ETV4: variants seen among roughly 807,000 people sequenced by gnomAD.
ETV4 encodes ETS translocation variant 4.
ETV4 carries 42 observed loss-of-function variants against 65.9 expected under a neutral mutation model. That is an observed-to-expected ratio of 0.64 (90% CI 0.50 to 0.82). ETV4 has a LOEUF of 0.82. Among genes scored for constraint, ETV4 ranks in the 40% least tolerant of loss-of-function variants. The pLI is 0.00. For synonymous variants in ETV4, 238 were observed against 260.0 expected (o/e 0.92, Z 0.81); for missense variants, 583 against 630.3 (o/e 0.92, Z 0.80).
chr17:43,545,453 G>C, intron 2 of ETV4, 86 bp from the exon 3 acceptor site: 1 of 1,462,460 alleles, frequency 6.8e-7, no homozygotes. Context: ...TGACTCAGGG[G>C]CGGGGCAGCC....
In ETV4 at chr17:43,545,566, A is replaced by AGGTCC; in HGVS notation, c.51_52insGGACC (p.Phe18GlyfsTer17). ...GCCGGCGCGGCGCTCACGCTGCTGA[A>AGGTCC]GGTGTAGGGCACTTGCTGGTCCAAG... is the stretch of plus-strand genomic sequence containing the variant. On this transcript the variant is annotated frameshift_variant, in exon 2 of 13. Transcript: ENST00000319349. LOFTEE classifies it high-confidence loss of function. 2 of 1,549,954 alleles carry AGGTCC rather than the reference A, an allele frequency of 1.3e-6. No individual in the cohort carries two copies. Among genetic ancestry groups the AGGTCC allele is most frequent in the Non-Finnish European group, 1.7e-6 (2 of 1,146,640 alleles).
intron 10 of ETV4, 62 bp downstream of exon 10, chr17:43,529,822 A>G: frequency 3.1e-6 from 5 of 1,599,636 alleles, no homozygotes; most frequent in Non-Finnish European, 4.3e-6. Flanking sequence ...ACGTGATGTG[A>G]CTCCTGCAGG....
intron 1 of ETV4, 59 bp downstream of exon 1, chr17:43,546,126 T>G (rs1203959190): frequency 2.6e-4 from 41 of 160,752 alleles, no homozygotes. Context: ...GTGGTGTGCA[T>G]TGGAGGCGAG....
In ETV4 at chr17:43,529,864, T is replaced by TCAA; in HGVS notation, c.955+17_955+19dup. 1 of 1,613,746 alleles carries TCAA rather than the reference T, an allele frequency of 6.2e-7. No homozygotes were observed. Among genetic ancestry groups the TCAA allele is most frequent in the Admixed American group, 1.7e-5 (1 of 60,010 alleles). ...GCGTGATAAGACCTTGACCCTCCCA[T>TCAA]CAACAGTCACTTCTCTGACCTTCAA... On this transcript the variant is annotated intron_variant, in intron 10 of 12. Coordinates refer to ENST00000319349, the MANE Select transcript of ETV4 (RefSeq NM_001079675.5).
At chr17:43,532,999 C>A (rs764426611) in intron 7 of ETV4, 60 bp from the exon 8 acceptor site, 18 of 1,522,816 alleles carry the variant, frequency 1.2e-5, no homozygotes, top group Non-Finnish European at 1.6e-5. Context: ...CTTCCTCGAG[C>A]CTGTTACTCC....
chr17:43,545,175 C>A (rs1412632745), intron 3 of ETV4, 99 bp downstream of exon 3: 1 of 1,219,354 alleles, frequency 8.2e-7, no homozygotes, highest in Middle Eastern at 2.1e-4. Context: ...GGGAAACAGG[C>A]GGGGGTTCCA....
chr17:43,530,737 TC>T (rs746570477), intron 8 of ETV4, among the ~76,000 whole-genome samples: 3 of 151,904 alleles, frequency 2.0e-5, no homozygotes, highest in Admixed American at 6.6e-5. Context: ...TTCGTTTCAT[TC>T]CATTCCATAG....
chr17:43,542,065 T>TGA (rs1971551782), intron 4 of ETV4, among the ~76,000 whole-genome samples: 2 of 152,166 alleles, frequency 1.3e-5, no homozygotes, highest in Non-Finnish European at 2.9e-5. Flanking sequence ...ATGGGGTCTT[T>TGA]TTTTGACCTA....
At chr17:43,537,857 G>A (rs1475120356) in intron 4 of ETV4, among the ~76,000 whole-genome samples, 1 of 150,882 alleles carries the variant, frequency 6.6e-6, no homozygotes, top group Non-Finnish European at 1.5e-5. Flanking sequence ...GGCCGGGCGC[G>A]GTGGCTCACG....
chr17:43,532,968 G>A (rs1366842200), intron 7 of ETV4, 29 bp from the exon 8 acceptor site: 2 of 1,534,246 alleles, frequency 1.3e-6, no homozygotes, highest in East Asian at 2.3e-5. Context: ...AGAAGGAAGA[G>A]AAGAGAACTT....
chr17:43,545,676 G>T lies in ETV4; in HGVS notation c.-51-8C>A. The stretch of plus-strand genomic sequence containing the variant: ...CCAAGCGGGGGCCGAGACCTGGTGG[G>T]GGAGGGGGCTGCGTTCGCACACCGT... On this transcript the variant is annotated splice_region_variant and splice_polypyrimidine_tract_variant and intron_variant, in intron 1 of 12. Coordinates refer to ENST00000319349, the MANE Select transcript of ETV4 (RefSeq NM_001079675.5). 1 of 1,467,872 alleles carries T rather than the reference G, an allele frequency of 6.8e-7. No homozygotes were observed. Among genetic ancestry groups the T allele is most frequent in the Non-Finnish European group, 9.3e-7 (1 of 1,076,472 alleles). The allele number at this position is 1,467,872 out of a possible 1,614,324, so 90.9% of individuals were successfully genotyped here.
At position 43,529,150 on chromosome 17, in the gene ETV4, T is replaced by C; in HGVS notation, c.1215A>G (p.Lys405=). 6.2e-7 allele frequency: 1 copy of C among 1,613,970 alleles called. No individual in the cohort carries two copies. The highest frequency in any genetic ancestry group is 1.1e-5 in the South Asian group (1 of 91,078). ...CAGCCCCCACCTTCTGCATGATGCC[T>C]TTCTCATAATAGTATCGGAGCGAGC... The part of the protein sequence containing the change: ...LSRSLRYYYE[K]GIMQKVAGER... The change falls in exon 12 of 13, where the codon AAA becomes AAG. Residue 405 remains lysine, a synonymous_variant. Coordinates refer to ENST00000319349, the MANE Select transcript of ETV4 (RefSeq NM_001079675.5).
Position 43,545,559 on chromosome 17 carries a change from C to T in ETV4, c.59G>A (p.Ser20Asn). 1.3e-6 allele frequency: 2 copies of T among 1,549,806 alleles called. No individual in the cohort carries two copies. Among genetic ancestry groups the T allele is most frequent in the Non-Finnish European group, 1.7e-6 (2 of 1,146,592 alleles). ...CGTGGAGGCCGGCGCGGCGCTCACG[C>T]TGCTGAAGGTGTAGGGCACTTGCTG... is the stretch of plus-strand genomic sequence containing the variant. ...LDQQVPYTFS[S>N]KSPGNGSLRE... Residue 20 changes from serine (S) to asparagine (N), a missense_variant and splice_region_variant, in exon 2 of 13, where the codon AGC becomes AAC. Coordinates refer to ENST00000319349, the MANE Select transcript of ETV4 (RefSeq NM_001079675.5).
rs1256985627 is a variant in ETV4 at position 43,530,098 on chromosome 17, C to T, written c.886+9G>A. The stretch of plus-strand genomic sequence containing the variant: ...GGAGGGCTTGGCAGGGGAAGGGGGG[C>T]TGCCTTACCCATGGCCCCGTCACCT... On this transcript the variant is annotated intron_variant, in intron 9 of 12. Coordinates refer to ENST00000319349, the MANE Select transcript of ETV4 (RefSeq NM_001079675.5). 6.2e-7 allele frequency: 1 copy of T among 1,600,046 alleles called. No individual in the cohort carries two copies. The highest frequency in any genetic ancestry group is 1.1e-5 in the South Asian group (1 of 90,052).
At position 43,528,414 on chromosome 17, in the gene ETV4, C is replaced by T; in HGVS notation, c.*105G>A. ...ACTGGTAGGACAGTGGGGATCTGCC[C>T]CAGAGACATCTGTGGGTTTCAGATG... On this transcript the variant is annotated 3_prime_UTR_variant, in exon 13 of 13. Transcript: ENST00000319349. 1 of 777,460 alleles carries T rather than the reference C, an allele frequency of 1.3e-6. No homozygotes were observed. Among genetic ancestry groups the T allele is most frequent in the South Asian group, 1.8e-5 (1 of 54,132 alleles). 48.2% of individuals were successfully genotyped at this position (777,460 alleles called of 1,614,324 possible).
At chr17:43,529,283 A>G (rs765877386) in intron 11 of ETV4, 47 bp from the exon 12 acceptor site, 32 of 1,580,758 alleles carry the variant, frequency 2.0e-5, no homozygotes, top group African/African-American at 2.7e-5. Context: ...TTGGCAGAGG[A>G]AAAAATGGGG....
chr17:43,539,680 G>C (rs1378624912), intron 4 of ETV4, among the ~76,000 whole-genome samples: 4 of 152,144 alleles, frequency 2.6e-5, no homozygotes, highest in Admixed American at 1.3e-4. Context: ...GTGGGCCTGA[G>C]GGCATGCACT....
At position 43,529,228 on chromosome 17, in the gene ETV4, C is replaced by A. The variant is rs775535898; in HGVS notation, c.1137G>T (p.Arg379Ser). 3 of 1,613,902 alleles carry A rather than the reference C, an allele frequency of 1.9e-6. No homozygotes were observed. The highest frequency in any genetic ancestry group is 1.7e-6 in the Non-Finnish European group (2 of 1,180,032). Reference protein sequence around the residue: ...FKLIEPEEVARLWGIQKNRPA... With the variant: ...FKLIEPEEVASLWGIQKNRPA... ...GCCGGTTCTTCTGGATGCCCCAGAG[C>A]CTGGCGACCTGGGAACAAAACAGTT... The change falls in exon 12 of 13, where the codon AGG becomes AGT. Residue 379 changes from arginine (R) to serine (S), a missense_variant. Transcript: ENST00000319349.
intron 4 of ETV4, among the ~76,000 whole-genome samples, chr17:43,542,701 T>A (rs1277467927): frequency 1.3e-5 from 2 of 152,172 alleles, no homozygotes; most frequent in African/African-American, 2.4e-5. Context: ...CGCAGGACAC[T>A]GAACCTGCAA....
Sources: allele counts gnomAD v4.1 joint callset (sites outside exome capture counted in the v4.1 genomes callset), GRCh38; gene constraint gnomAD v4.1.1; transcripts MANE v1.5; gene names NCBI Gene and HGNC (gene_info 2026-07-23, HGNC 2026-07-21).